CNTNAP2: variants seen among roughly 807,000 people sequenced by gnomAD.
CNTNAP2 encodes contactin associated protein 2.
CNTNAP2 carries 98 observed loss-of-function variants against 155.2 expected under a neutral mutation model. That is an observed-to-expected ratio of 0.63 (90% CI 0.54 to 0.75). The LOEUF (loss-of-function observed/expected upper bound fraction) is 0.75, where lower values mean the gene tolerates loss of function less well. CNTNAP2 is among the 30% of genes least tolerant of loss of function. The pLI, the probability that CNTNAP2 is intolerant of heterozygous loss-of-function variation, is 0.00. For synonymous variants in CNTNAP2, 651 were observed against 631.2 expected, an observed-to-expected ratio of 1.03 and a Z score of -0.47; for missense variants, 1,727 against 1,688.1, an observed-to-expected ratio of 1.02 and a Z score of -0.40.
rs186377224 is a variant in CNTNAP2, at chr7:146,129,463, C to T, written c.97+12490C>T. Among the ~76,000 whole-genome samples, 9 of 152,226 alleles carry T rather than the reference C, an allele frequency of 5.9e-5. No individual in the cohort carries two copies. The East Asian group carries it at 1.5e-3, about 26-fold the overall frequency. ...TCAAGTGGTGGCGCTAAAGACAAAC[C>T]ATGCTAGCTACTCAAGCATTTCCTT... On this transcript the variant is annotated intron_variant, in intron 1 of 23. Coordinates refer to ENST00000361727, the MANE Select transcript of CNTNAP2 (RefSeq NM_014141.6).
chr7:146,404,031 A>G (rs2129109099), intron 1 of CNTNAP2, among the ~76,000 whole-genome samples: 1 of 148,176 alleles, frequency 6.7e-6, no homozygotes, highest in African/African-American at 2.5e-5. Context: ...AGGCTGAGGC[A>G]GGAGAATGGC....
intron 8 of CNTNAP2, among the ~76,000 whole-genome samples, chr7:147,273,815 T>C (rs984084283): frequency 1.4e-5 from 2 of 147,462 alleles, no homozygotes; most frequent in African/African-American, 4.9e-5. Context: ...TCTATACATA[T>C]ATATTTTATG....
chr7:146,874,285 A>C (rs1795374548), intron 3 of CNTNAP2, among the ~76,000 whole-genome samples: 1 of 152,326 alleles, frequency 6.6e-6, no homozygotes, highest in East Asian at 1.9e-4. Context: ...AGGATCTATT[A>C]GAACTTTGTC....
At chr7:147,091,877 A>T (rs1163467468) in intron 4 of CNTNAP2, among the ~76,000 whole-genome samples, 1 of 152,090 alleles carries the variant, frequency 6.6e-6, no homozygotes, top group South Asian at 2.1e-4. Flanking sequence ...AAGTGCTGGG[A>T]TTACAGGCGT....
intron 1 of CNTNAP2, among the ~76,000 whole-genome samples, chr7:146,389,808 C>T (rs1244969694): frequency 6.7e-6 from 1 of 149,448 alleles, no homozygotes; most frequent in Non-Finnish European, 1.5e-5. Flanking sequence ...TCTAGCAGTT[C>T]TTCCTGCCTC....
At chr7:147,278,243 T>C (rs1311354380) in intron 8 of CNTNAP2, among the ~76,000 whole-genome samples, 1 of 151,794 alleles carries the variant, frequency 6.6e-6, no homozygotes, top group Non-Finnish European at 1.5e-5. Flanking sequence ...CATGAAGTCT[T>C]CCCTATATCC....
At chr7:146,908,303 A>C (rs1796190439) in intron 3 of CNTNAP2, among the ~76,000 whole-genome samples, 1 of 149,988 alleles carries the variant, frequency 6.7e-6, no homozygotes, top group Admixed American at 6.6e-5. Flanking sequence ...AAGCGGACCT[A>C]ATAGACATCT....
At chr7:148,280,799 A>G (rs1796962582) in intron 21 of CNTNAP2, among the ~76,000 whole-genome samples, 1 of 151,884 alleles carries the variant, frequency 6.6e-6, no homozygotes, top group South Asian at 2.1e-4. Context: ...GGAGCCTGTA[A>G]TCTCAGCTAC....
At chr7:148,366,052 G>A (rs575997879) in intron 21 of CNTNAP2, among the ~76,000 whole-genome samples, 8 of 574 alleles carry the variant, frequency 0.014, 4 homozygotes, top group East Asian at 1. Flanking sequence ...GTATGCATGT[G>A]TGTGTATGCA....
At chr7:148,166,569 T>G (rs1483980093) in intron 17 of CNTNAP2, among the ~76,000 whole-genome samples, 1 of 152,180 alleles carries the variant, frequency 6.6e-6, no homozygotes, top group Non-Finnish European at 1.5e-5. Context: ...GTCCCAGTCT[T>G]CTGTGCATTT....
intron 13 of CNTNAP2, among the ~76,000 whole-genome samples, chr7:147,802,925 C>T (rs80042398): frequency 0.033 from 4,957 of 151,798 alleles, 135 homozygotes; most frequent in Non-Finnish European, 0.051. Context: ...AAAATAACTT[C>T]GGAAACAGCA....
In CNTNAP2 at chr7:147,731,870, G is replaced by A. The variant is rs145633714; in HGVS notation, c.2098+92564G>A. 3.3e-3 allele frequency among the ~76,000 whole-genome samples: 495 copies of A among 152,208 alleles called. 6 individuals are homozygous for A. The highest frequency in any genetic ancestry group is 0.011 in the African/African-American group (465 of 41,546). On this transcript the variant is annotated intron_variant, in intron 13 of 23. Transcript: ENST00000361727. ...GATTCCAACCCTTATGGATGACTTCGAGGGGTTCAAGACTCCAGTGGTGGA... is the reference window on the plus strand; with the variant it reads ...GATTCCAACCCTTATGGATGACTTCAAGGGGTTCAAGACTCCAGTGGTGGA...
chr7:146,404,124 C>CAAAAAAAAAAAAAA (rs1163559597), intron 1 of CNTNAP2, among the ~76,000 whole-genome samples: 44 of 72,732 alleles, frequency 6.0e-4, no homozygotes, highest in African/African-American at 1.7e-3. Flanking sequence ...GACTCCGTCT[C>CAAAAAAAAAAAAAA]AAAAAAAAAA....
chr7:146,793,089 A>G (rs1363748660), intron 2 of CNTNAP2, among the ~76,000 whole-genome samples: 2 of 152,162 alleles, frequency 1.3e-5, no homozygotes, highest in South Asian at 2.1e-4. Flanking sequence ...AAAATTATCA[A>G]TTTGCTACTT....
chr7:148,248,256 T>C (rs1796308927), intron 20 of CNTNAP2, among the ~76,000 whole-genome samples: 1 of 151,834 alleles, frequency 6.6e-6, no homozygotes, highest in African/African-American at 2.4e-5. Flanking sequence ...TGGAGTGCAA[T>C]GGCACAGTCT....
intron 3 of CNTNAP2, among the ~76,000 whole-genome samples, chr7:146,982,390 T>A (rs556458845): frequency 1.3e-5 from 2 of 152,066 alleles, no homozygotes; most frequent in Non-Finnish European, 2.9e-5. Context: ...TTTTGAGAAG[T>A]TTTTGTTGTT....
At chr7:148,126,439 C>A (rs1804716785) in intron 16 of CNTNAP2, among the ~76,000 whole-genome samples, 2 of 151,980 alleles carry the variant, frequency 1.3e-5, no homozygotes, top group East Asian at 1.9e-4. Context: ...TGCTGGCGAT[C>A]CAAATATAGA....
intron 11 of CNTNAP2, among the ~76,000 whole-genome samples, chr7:147,549,739 C>T (rs1042569584): frequency 1.3e-5 from 2 of 152,150 alleles, no homozygotes; most frequent in African/African-American, 4.8e-5. Flanking sequence ...GGATTTGAAG[C>T]AGTGGGCTCG....
chr7:147,780,265 C>T (rs747415646), intron 13 of CNTNAP2, among the ~76,000 whole-genome samples: 4 of 152,144 alleles, frequency 2.6e-5, no homozygotes, highest in Non-Finnish European at 4.4e-5. Context: ...GAAATGAAAA[C>T]GGAAAACATT....
Sources: allele counts gnomAD v4.1 joint callset (sites outside exome capture counted in the v4.1 genomes callset), GRCh38; gene constraint gnomAD v4.1.1; transcripts MANE v1.5; gene names NCBI Gene and HGNC (gene_info 2026-07-23, HGNC 2026-07-21).